EFNB2: variants seen among roughly 807,000 people sequenced by gnomAD.
The protein encoded by EFNB2 is ephrin-B2.
EFNB2 carries 5 observed loss-of-function variants against 32.1 expected under a neutral mutation model. That is an observed-to-expected ratio of 0.16 (90% CI 0.08 to 0.33). EFNB2 has a LOEUF of 0.33. Among genes scored for constraint, EFNB2 ranks in the 10% least tolerant of loss-of-function variants. The pLI is 1.00. For synonymous variants in EFNB2, 168 were observed against 166.5 expected (o/e 1.01, Z -0.07); for missense variants, 263 against 422.6 (o/e 0.62, Z 3.31).
At position 106,518,502 on chromosome 13, in the gene EFNB2, G is replaced by C. The variant is rs1040284172; in HGVS notation, c.123-5690C>G. ...ACTGAAAACATAAACCAGCCACTTA[G>C]AGTTCAGAGGTCACCTCATGTGATT... On this transcript the variant is annotated intron_variant, in intron 1 of 4. Transcript: ENST00000646441. The surrounding 1 kb of genome is among the most constrained non-coding windows in gnomAD (Gnocchi z 4.1). The C allele has an allele frequency of 1.3e-5, 2 of 152,174 alleles. No homozygotes were observed. Among genetic ancestry groups the C allele is most frequent in the African/African-American group, 4.8e-5 (2 of 41,428 alleles). The allele number at this position is 152,174 out of a possible 1,614,324, so 9.4% of individuals were successfully genotyped here.
At chr13:106,524,898 A>T (rs953315060) in intron 1 of EFNB2, among the ~76,000 whole-genome samples, 2 of 152,250 alleles carry the variant, frequency 1.3e-5, no homozygotes, top group Non-Finnish European at 2.9e-5. Context: ...GAAAGTCATA[A>T]GGAATGAGTA....
chr13:106,507,835 A>G (rs1395602529), intron 2 of EFNB2, among the ~76,000 whole-genome samples: 1 of 152,198 alleles, frequency 6.6e-6, no homozygotes, highest in Non-Finnish European at 1.5e-5. Context: ...AAGATGACTT[A>G]CGGACTATGC....
chr13:106,527,636 G>A (rs1225200357), intron 1 of EFNB2, among the ~76,000 whole-genome samples: 1 of 152,228 alleles, frequency 6.6e-6, no homozygotes, highest in Non-Finnish European at 1.5e-5. Context: ...TAATAATCTA[G>A]AGCCACTGCT....
In EFNB2 at chr13:106,490,153, C is replaced by T. The variant is rs1878350695; in HGVS notation, c.*2887G>A. The T allele has an allele frequency of 6.6e-6, 1 of 152,588 alleles. No individual in the cohort carries two copies. The highest frequency in any genetic ancestry group is 6.5e-5 in the Admixed American group (1 of 15,282). The allele number at this position is 152,588 out of a possible 1,614,324, so 9.5% of individuals were successfully genotyped here. ...TTGCTTAGACTTTATAAAAAACCAA[C>T]ATTGCTCTATGTACACAATCTGGGT... On this transcript the variant is annotated 3_prime_UTR_variant, in exon 5 of 5. Coordinates refer to ENST00000646441, the MANE Select transcript of EFNB2 (RefSeq NM_004093.4).
At chr13:106,496,092 C>T (rs35349039) in intron 2 of EFNB2, among the ~76,000 whole-genome samples, 17,180 of 152,244 alleles carry the variant, frequency 0.11, 1,077 homozygotes, top group Middle Eastern at 0.17. Context: ...GCACTTTCTC[C>T]TTCCTTCACA....
intron 2 of EFNB2, among the ~76,000 whole-genome samples, chr13:106,510,505 T>A (rs1342978295): frequency 6.6e-6 from 1 of 152,240 alleles, no homozygotes; most frequent in Non-Finnish European, 1.5e-5. Flanking sequence ...GTCGGCATTA[T>A]CGGTGGACGT....
intron 1 of EFNB2, among the ~76,000 whole-genome samples, chr13:106,530,672 A>G (rs1027986309): frequency 6.6e-6 from 1 of 152,164 alleles, no homozygotes; most frequent in African/African-American, 2.4e-5. Flanking sequence ...TGCCACTCCC[A>G]TTCCTATGAC....
rs980639120 is a variant in EFNB2 at position 106,490,398 on chromosome 13, G to A, written c.*2642C>T. ...CAAAGCTAAACCAACTTCAAACAAA[G>A]GGACAGTTGGTAGATTGTCATATTC... On this transcript the variant is annotated 3_prime_UTR_variant, in exon 5 of 5. Coordinates refer to ENST00000646441, the MANE Select transcript of EFNB2 (RefSeq NM_004093.4). 26 of 152,128 alleles carry A rather than the reference G, an allele frequency of 1.7e-4. No individual in the cohort carries two copies. Among genetic ancestry groups the A allele is most frequent in the African/African-American group, 6.3e-4 (26 of 41,424 alleles). The allele number at this position is 152,128 out of a possible 1,614,324, so 9.4% of individuals were successfully genotyped here. A position where few individuals can be genotyped will look rare whatever the true frequency, so the allele number is the denominator to read the frequency against.
intron 2 of EFNB2, chr13:106,505,949 A>G (rs1327004005): frequency 6.6e-6 from 1 of 152,290 alleles, no homozygotes; most frequent in Non-Finnish European, 1.5e-5. Context: ...ACAGAGCCAT[A>G]TGGGACAGAC....
At chr13:106,511,718 A>T (rs1173744317) in intron 2 of EFNB2, among the ~76,000 whole-genome samples, 1 of 152,166 alleles carries the variant, frequency 6.6e-6, no homozygotes, top group Non-Finnish European at 1.5e-5. Context: ...AAAAGACTTC[A>T]TTGCTTGAAT....
rs771106235 is a variant in EFNB2, at chr13:106,493,406, G to A, written c.636C>T (p.Ser212=). 11 of 1,612,986 alleles carry A rather than the reference G, an allele frequency of 6.8e-6. No homozygotes were observed. Among genetic ancestry groups the A allele is most frequent in the South Asian group, 1.1e-5 (1 of 90,992 alleles). ...GGATGTTGTTCCCCGAATGTCCGGCGCTGTTGCCGTCTGTGCTAGAACCTG... is the reference window on the plus strand; with the variant it reads ...GGATGTTGTTCCCCGAATGTCCGGCACTGTTGCCGTCTGTGCTAGAACCTG... The part of the protein sequence containing the change: ...PNPGSSTDGN[S]AGHSGNNILG... Residue 212 remains serine, a synonymous_variant, in exon 5 of 5, where the codon AGC becomes AGT. Transcript: ENST00000646441. This position sits in a 1 kb window ranked among gnomAD's most constrained non-coding sequence, Gnocchi z 6.1.
Position 106,534,845 on chromosome 13 carries a change from G to T in EFNB2, c.120C>A (p.Ser40=). Residue 40 remains serine (S), a splice_region_variant and synonymous_variant, in exon 1 of 5, where the codon TCC becomes TCA. Transcript: ENST00000646441. ...LEPIYWNSSN[S]KFLPGQGLVL... ...GGGGGATCGCGGACGCCACTTACTTGGAGTTCGAGGAATTCCAATAGATAG... is the reference window on the plus strand; with the variant it reads ...GGGGGATCGCGGACGCCACTTACTTTGAGTTCGAGGAATTCCAATAGATAG... 1.2e-6 allele frequency: 2 copies of T among 1,611,354 alleles called. No homozygotes were observed. The highest frequency in any genetic ancestry group is 1.7e-6 in the Non-Finnish European group (2 of 1,178,754).
rs1231398597 is a variant in EFNB2, at chr13:106,492,351, A to G, written c.*689T>C. The G allele has an allele frequency of 3.9e-5, 6 of 152,208 alleles. No homozygotes were observed. The highest frequency in any genetic ancestry group is 1.5e-4 in the African/African-American group (6 of 41,370). The allele number at this position is 152,208 out of a possible 1,614,324, so 9.4% of individuals were successfully genotyped here. A position where few individuals can be genotyped will look rare whatever the true frequency, so the allele number is the denominator to read the frequency against. On this transcript the variant is annotated 3_prime_UTR_variant, in exon 5 of 5. Transcript: ENST00000646441. The surrounding 1 kb of genome is among the most constrained non-coding windows in gnomAD (Gnocchi z 5.1). Reference sequence around the variant, plus strand: ...TGAACTCCTAGCCTTCTTCGCAGACAGCCTAGCATCTGGCTAAAGGGCACC... The same window carrying G: ...TGAACTCCTAGCCTTCTTCGCAGACGGCCTAGCATCTGGCTAAAGGGCACC...
At position 106,492,290 on chromosome 13, in the gene EFNB2, T is replaced by A. The variant is rs1415641306; in HGVS notation, c.*750A>T. 1 of 152,602 alleles carries A rather than the reference T, an allele frequency of 6.6e-6. No individual in the cohort carries two copies. The highest frequency in any genetic ancestry group is 1.5e-5 in the Non-Finnish European group (1 of 68,256). 9.5% of individuals were successfully genotyped at this position (152,602 alleles called of 1,614,324 possible). ...AGAGGCAGCAGCAGTGAGCTGCAAT[T>A]GCAGCCAGCCCTTTCCCCAGCCCCA... On this transcript the variant is annotated 3_prime_UTR_variant, in exon 5 of 5. Transcript: ENST00000646441. This position sits in a 1 kb window ranked among gnomAD's most constrained non-coding sequence, Gnocchi z 5.1.
At chr13:106,506,634 T>A (rs1307521693) in intron 2 of EFNB2, 2 of 152,194 alleles carry the variant, frequency 1.3e-5, no homozygotes, top group Non-Finnish European at 2.9e-5. Flanking sequence ...GGACTTCAAA[T>A]CAGCCAAGCT....
intron 1 of EFNB2, among the ~76,000 whole-genome samples, chr13:106,529,626 C>T (rs1402970654): frequency 2.0e-5 from 3 of 152,172 alleles, no homozygotes; most frequent in Non-Finnish European, 4.4e-5. Context: ...CGTCCCGCGC[C>T]CTTTTCAGAG....
Position 106,490,167 on chromosome 13 carries a change from C to T in EFNB2, c.*2873G>A, listed in dbSNP as rs1878350963. 1 of 152,562 alleles carries T rather than the reference C, an allele frequency of 6.6e-6. No individual in the cohort carries two copies. The highest frequency in any genetic ancestry group is 1.5e-5 in the Non-Finnish European group (1 of 68,026). 9.5% of individuals were successfully genotyped at this position (152,562 alleles called of 1,614,324 possible). ...TAAAAAACCAACATTGCTCTATGTACACAATCTGGGTAAGAAAAGCCATTT... is the reference window on the plus strand; with the variant it reads ...TAAAAAACCAACATTGCTCTATGTATACAATCTGGGTAAGAAAAGCCATTT... On this transcript the variant is annotated 3_prime_UTR_variant, in exon 5 of 5. Coordinates refer to ENST00000646441, the MANE Select transcript of EFNB2 (RefSeq NM_004093.4).
At chr13:106,501,538 A>G (rs1878777576) in intron 2 of EFNB2, among the ~76,000 whole-genome samples, 1 of 152,164 alleles carries the variant, frequency 6.6e-6, no homozygotes, top group Admixed American at 6.5e-5. Flanking sequence ...GTTTTATGGT[A>G]TACTTTCCCC....
At chr13:106,525,409 A>G (rs1879666836) in intron 1 of EFNB2, among the ~76,000 whole-genome samples, 1 of 152,202 alleles carries the variant, frequency 6.6e-6, no homozygotes, top group Admixed American at 6.5e-5. Context: ...AGGTACTGAT[A>G]ATTCTCACGT....
Sources: gnomAD v4.1 joint callset for allele counts (sites outside exome capture counted in the v4.1 genomes callset) on GRCh38, gnomAD v4.1.1 for gene constraint, Gnocchi (gnomAD v3.1) non-coding constraint, MANE v1.5 for transcripts, NCBI Gene and HGNC (gene_info 2026-07-23, HGNC 2026-07-21) for gene names.